The following PCDHGB1 variants were observed in gnomAD, a reference collection of about 807,000 sequenced individuals.
PCDHGB1 encodes protocadherin gamma subfamily B, 1, also known as protocadherin gamma-B1.
Under a neutral mutation model 56.6 loss-of-function variants are expected in PCDHGB1, and 34 were observed. That is an observed-to-expected ratio of 0.60 (90% CI 0.46 to 0.80). The LOEUF is 0.80. Among genes scored for constraint, PCDHGB1 ranks in the 30% least tolerant of loss-of-function variants. The pLI is 0.00. For missense variants in PCDHGB1, 1,278 were observed against 1,204.6 expected, an observed-to-expected ratio of 1.06 and a Z score of -0.90; for synonymous variants, 561 against 505.9, an observed-to-expected ratio of 1.11 and a Z score of -1.46.
In PCDHGB1 at chr5:141,431,985, T is replaced by A. The variant is rs1354693325; in HGVS notation, c.2410-62822T>A. 1 of 1,614,202 alleles carries A rather than the reference T, an allele frequency of 6.2e-7. No homozygotes were observed. The highest frequency in any genetic ancestry group is 1.7e-5 in the Admixed American group (1 of 60,030). ...TACTATAGTTTAGTCACAGACATAG[T>A]CTTGGATAGGGAACAGGTTCCTAGC... On this transcript the variant is annotated intron_variant, in intron 1 of 3. Coordinates refer to ENST00000523390, the MANE Select transcript of PCDHGB1 (RefSeq NM_018922.3). This position sits in a 1 kb window ranked among gnomAD's most constrained non-coding sequence, Gnocchi z 4.8.
intron 1 of PCDHGB1, chr5:141,357,172 G>A: frequency 6.2e-7 from 1 of 1,613,706 alleles, no homozygotes; most frequent in Non-Finnish European, 8.5e-7. Flanking sequence ...CTCGGCCACC[G>A]TCACACTCAC....
Position 141,408,181 on chromosome 5 carries a change from C to G in PCDHGB1, c.2409+55512C>G, listed in dbSNP as rs1304952667. ...TTTCTCCAACTGGAAAAGCGGGGAC[C>G]CAGCGAGAACCCGAGCGAACGATGG... On this transcript the variant is annotated intron_variant, in intron 1 of 3. Coordinates refer to ENST00000523390, the MANE Select transcript of PCDHGB1 (RefSeq NM_018922.3). The G allele has an allele frequency of 1.6e-5, 24 of 1,536,932 alleles. No individual in the cohort carries two copies. In the East Asian group the frequency reaches 5.6e-4, roughly 36 times the overall value.
At position 141,486,761 on chromosome 5, in the gene PCDHGB1, A is replaced by G. The variant is rs1368106682; in HGVS notation, c.2410-8046A>G. 1 of 1,614,114 alleles carries G rather than the reference A, an allele frequency of 6.2e-7. No homozygotes were observed. The highest frequency in any genetic ancestry group is 8.5e-7 in the Non-Finnish European group (1 of 1,180,056). ...ATCCTTTGACTATGAGCAAACCCAG[A>G]CACTGCAGTTTGAGGTGCAGGCCCG... On this transcript the variant is annotated intron_variant, in intron 1 of 3. Transcript: ENST00000523390. The surrounding 1 kb of genome is among the most constrained non-coding windows in gnomAD (Gnocchi z 5.0).
chr5:141,415,579 A>G, intron 1 of PCDHGB1: 1 of 1,614,072 alleles, frequency 6.2e-7, no homozygotes, highest in East Asian at 2.2e-5. Flanking sequence ...AGATGATTCG[A>G]AGTTTCCTAT....
chr5:141,369,009 CT>C (rs1295175926), intron 1 of PCDHGB1, among the ~76,000 whole-genome samples: 2 of 152,148 alleles, frequency 1.3e-5, no homozygotes, highest in African/African-American at 4.8e-5. Context: ...GAACTCATTG[CT>C]TATTGCTGCA....
In PCDHGB1 at chr5:141,491,856, C is replaced by A. The variant is rs754113958; in HGVS notation, c.2410-2951C>A. On this transcript the variant is annotated intron_variant, in intron 1 of 3. Coordinates refer to ENST00000523390, the MANE Select transcript of PCDHGB1 (RefSeq NM_018922.3). This position sits in a 1 kb window ranked among gnomAD's most constrained non-coding sequence, Gnocchi z 6.9. ...TCTCGGGATCATTGGACCGTTTGCG[C>A]GAAACCAGAGTGGCCGATTAAGGGA... 6.9e-7 allele frequency: 1 copy of A among 1,458,728 alleles called. No individual in the cohort carries two copies. The highest frequency in any genetic ancestry group is 9.1e-7 in the Non-Finnish European group (1 of 1,103,072). The allele number at this position is 1,458,728 out of a possible 1,614,324, so 90.4% of individuals were successfully genotyped here. A position where few individuals can be genotyped will look rare whatever the true frequency, so the allele number is the denominator to read the frequency against.
At chr5:141,383,731 A>T in intron 1 of PCDHGB1, 1 of 1,614,000 alleles carries the variant, frequency 6.2e-7, no homozygotes. Context: ...TGGGGAAGTG[A>T]CATATTCTTT....
In PCDHGB1 at chr5:141,511,580, G is replaced by A. The variant is rs1436011320; in HGVS notation, c.*407G>A. ...CTCTTTCCCGAGTAAGGTGGTTGGG[G>A]TGTTGAAGTACCAAGTAACCTACAA... On this transcript the variant is annotated 3_prime_UTR_variant, in exon 4 of 4. Coordinates refer to ENST00000523390, the MANE Select transcript of PCDHGB1 (RefSeq NM_018922.3). 2 of 282,206 alleles carry A rather than the reference G, an allele frequency of 7.1e-6. No individual in the cohort carries two copies. Among genetic ancestry groups the A allele is most frequent in the Admixed American group, 4.6e-5 (1 of 21,516 alleles). The allele number at this position is 282,206 out of a possible 1,614,324, so 17.5% of individuals were successfully genotyped here.
At chr5:141,438,591 CATATATATATATATATATATAT>C (rs946798767) in intron 1 of PCDHGB1, among the ~76,000 whole-genome samples, 1 of 75,562 alleles carries the variant, frequency 1.3e-5, no homozygotes, top group Middle Eastern at 7.4e-3. Context: ...TACATACATA[CATATATATATATATATATATAT>C]ATATATATAT....
chr5:141,487,512 C>T lies in PCDHGB1; in HGVS notation c.2410-7295C>T, dbSNP rs372606253. The stretch of plus-strand genomic sequence containing the variant: ...TGTACACCCTTGGCTTCTGCACCCA[C>T]TCGGAGTGATAGCTTCATGATGGTG... On this transcript the variant is annotated intron_variant, in intron 1 of 3. Transcript: ENST00000523390. This position sits in a 1 kb window ranked among gnomAD's most constrained non-coding sequence, Gnocchi z 5.0. 3.7e-6 allele frequency: 6 copies of T among 1,614,082 alleles called. No homozygotes were observed. The highest frequency in any genetic ancestry group is 5.1e-6 in the Non-Finnish European group (6 of 1,180,044).
chr5:141,372,510 G>A, intron 1 of PCDHGB1: 1 of 1,613,998 alleles, frequency 6.2e-7, no homozygotes, highest in South Asian at 1.1e-5. Context: ...CTTCCTCCTC[G>A]CGGTGATTCT....
chr5:141,412,634 A>G (rs1322492563), intron 1 of PCDHGB1: 1 of 152,256 alleles, frequency 6.6e-6, no homozygotes, highest in African/African-American at 2.4e-5. Flanking sequence ...TTAAATTATA[A>G]GACTTTTCTG....
chr5:141,428,331 G>A, intron 1 of PCDHGB1: 2 of 625,576 alleles, frequency 3.2e-6, no homozygotes, highest in East Asian at 2.9e-5. Context: ...TGATTTCTAT[G>A]CTCTTCTTCC....
chr5:141,396,570 C>T (rs996384369), intron 1 of PCDHGB1: 5 of 150,662 alleles, frequency 3.3e-5, no homozygotes, highest in African/African-American at 1.2e-4. Flanking sequence ...CAGTGAGCCT[C>T]GATCCTGTCA....
At position 141,486,364 on chromosome 5, in the gene PCDHGB1, C is replaced by T; in HGVS notation, c.2410-8443C>T. 1 of 1,614,068 alleles carries T rather than the reference C, an allele frequency of 6.2e-7. No homozygotes were observed. The highest frequency in any genetic ancestry group is 1.1e-5 in the South Asian group (1 of 91,074). On this transcript the variant is annotated intron_variant, in intron 1 of 3. Transcript: ENST00000523390. The surrounding 1 kb of genome is among the most constrained non-coding windows in gnomAD (Gnocchi z 5.0). ...TTCCTGACCACTTGCCATTTGCCCT[C>T]AAGTCTGCCTTCAGGAACCAGTTCT...
chr5:141,400,728 T>C, intron 1 of PCDHGB1: 1 of 648,188 alleles, frequency 1.5e-6, no homozygotes. Context: ...ATTTACAAAG[T>C]AGTGAGAGTT....
chr5:141,417,230 T>C (rs2096097492), intron 1 of PCDHGB1: 1 of 152,210 alleles, frequency 6.6e-6, no homozygotes, highest in Non-Finnish European at 1.5e-5. Context: ...AAAAAATTTG[T>C]TGCTTATCTT....
In PCDHGB1 at chr5:141,394,565, T is replaced by C. The variant is rs199836246; in HGVS notation, c.2409+41896T>C. ...AGCTGGCGCCCCGCTCCGCAGAGCG[T>C]GGCTACCTGGTGACCAAGGTGGTGG... On this transcript the variant is annotated intron_variant, in intron 1 of 3. Transcript: ENST00000523390. The C allele has an allele frequency of 4.7e-3, 7,555 of 1,612,722 alleles. 48 individuals carry two copies. The highest frequency in any genetic ancestry group is 9.5e-3 in the Admixed American group (567 of 59,986).
chr5:141,388,109 C>T, intron 1 of PCDHGB1: 2 of 1,404,160 alleles, frequency 1.4e-6, no homozygotes, highest in Non-Finnish European at 2.0e-6. Context: ...AGCCTTACTT[C>T]ACCGTGAGCG....
Sources: allele counts gnomAD v4.1 joint callset (sites outside exome capture counted in the v4.1 genomes callset), GRCh38; gene constraint gnomAD v4.1.1; non-coding constraint Gnocchi (gnomAD v3.1); transcripts MANE v1.5; gene names NCBI Gene and HGNC (gene_info 2026-07-23, HGNC 2026-07-21).